Variants in KIAA1217 observed in about 807,000 individuals in gnomAD.
The protein encoded by KIAA1217 is sickle tail protein homolog.
Under a neutral mutation model 163.9 loss-of-function variants are expected in KIAA1217, and 88 were observed. The observed-to-expected ratio is 0.54, with a 90% CI of 0.45 to 0.64. KIAA1217 has a LOEUF of 0.64. Ranked by LOEUF, KIAA1217 falls within the 30% of genes least tolerant of loss-of-function variation. The pLI, the probability that KIAA1217 is intolerant of heterozygous loss-of-function variation, is 0.00. For synonymous variants in KIAA1217, 903 were observed against 923.1 expected, an observed-to-expected ratio of 0.98 and a Z score of 0.39; for missense variants, 2,372 against 2,475.0, an observed-to-expected ratio of 0.96 and a Z score of 0.88.
chr10:24,106,846 G>A (rs2062650194), intron 2 of KIAA1217, among the ~76,000 whole-genome samples: 1 of 151,568 alleles, frequency 6.6e-6, no homozygotes, highest in Non-Finnish European at 1.5e-5. Flanking sequence ...CTTTTTTGTT[G>A]TTGTGTTGTT....
intron 1 of KIAA1217, among the ~76,000 whole-genome samples, chr10:23,913,917 A>G (rs1842539640): frequency 6.6e-6 from 1 of 152,034 alleles, no homozygotes; most frequent in Admixed American, 6.6e-5. Flanking sequence ...GTTCTTATTC[A>G]TTCAGCTCTT....
At chr10:24,182,547 T>C (rs917611886) in intron 2 of KIAA1217, among the ~76,000 whole-genome samples, 4 of 152,278 alleles carry the variant, frequency 2.6e-5, no homozygotes, top group Admixed American at 2.6e-4. Context: ...ATGAAGTGAT[T>C]TGAGTCAATG....
intron 1 of KIAA1217, among the ~76,000 whole-genome samples, chr10:23,698,148 T>C (rs956142683): frequency 6.6e-6 from 1 of 152,250 alleles, no homozygotes; most frequent in Admixed American, 6.5e-5. Flanking sequence ...AGAGCATTGC[T>C]TTGTTTGGGG....
intron 1 of KIAA1217, among the ~76,000 whole-genome samples, chr10:23,709,568 T>A (rs1013537024): frequency 6.6e-6 from 1 of 152,010 alleles, no homozygotes; most frequent in Admixed American, 6.6e-5. Context: ...AGAAACTTCC[T>A]TTCATCCGAA....
chr10:23,824,259 A>C (rs1837763032), intron 1 of KIAA1217, among the ~76,000 whole-genome samples: 1 of 151,946 alleles, frequency 6.6e-6, no homozygotes, highest in Non-Finnish European at 1.5e-5. Context: ...GAGTGACAGG[A>C]GTTAAGACCC....
chr10:24,468,224 C>T (rs144758909), intron 5 of KIAA1217, among the ~76,000 whole-genome samples: 3 of 152,250 alleles, frequency 2.0e-5, no homozygotes, highest in East Asian at 1.9e-4. Context: ...ATCCTAAGAG[C>T]GAGTTGCCTT....
chr10:24,254,406 C>T (rs2074908162), intron 2 of KIAA1217, among the ~76,000 whole-genome samples: 1 of 152,232 alleles, frequency 6.6e-6, no homozygotes. Flanking sequence ...AAGTTTCTGA[C>T]TCACAGTGAC....
At chr10:24,366,718 G>A (rs1465704590) in intron 2 of KIAA1217, among the ~76,000 whole-genome samples, 1 of 152,144 alleles carries the variant, frequency 6.6e-6, no homozygotes, top group African/African-American at 2.4e-5. Context: ...TGAGCCCGGG[G>A]CCAGTGACAA....
intron 1 of KIAA1217, among the ~76,000 whole-genome samples, chr10:23,979,255 G>A (rs960166261): frequency 2.8e-4 from 42 of 152,292 alleles, no homozygotes; most frequent in African/African-American, 8.9e-4. Context: ...TAAAAGTCAC[G>A]TTGCAGGTGC....
intron 1 of KIAA1217, among the ~76,000 whole-genome samples, chr10:24,218,427 G>A (rs905300824): frequency 1.3e-5 from 2 of 151,944 alleles, no homozygotes; most frequent in Non-Finnish European, 2.9e-5. Context: ...CTGTGTTTTA[G>A]GTAAAGTCCA....
intron 2 of KIAA1217, among the ~76,000 whole-genome samples, chr10:24,244,524 C>G (rs1033215845): frequency 7.3e-5 from 11 of 150,166 alleles, no homozygotes; most frequent in Admixed American, 1.3e-4. Flanking sequence ...TGTTTTCATC[C>G]TTGGGCATTA....
chr10:24,297,475 G>T (rs564195132), intron 2 of KIAA1217, among the ~76,000 whole-genome samples: 6 of 152,160 alleles, frequency 3.9e-5, no homozygotes, highest in Admixed American at 6.5e-5. Flanking sequence ...TTTAGACTGG[G>T]TGCAGTGTCT....
intron 17 of KIAA1217, among the ~76,000 whole-genome samples, chr10:24,539,314 C>G (rs1204579205): frequency 6.7e-6 from 1 of 150,176 alleles, no homozygotes; most frequent in Non-Finnish European, 1.5e-5. Flanking sequence ...CTGCAACCTC[C>G]CCCTCCCCGG....
rs550355378 is a variant in KIAA1217, at chr10:24,513,354, C to T, written c.2097C>T (p.Pro699=). The T allele has an allele frequency of 1.7e-5, 28 of 1,614,132 alleles. No homozygotes were observed. Among genetic ancestry groups the T allele is most frequent in the East Asian group, 4.5e-5 (2 of 44,876 alleles). Residue 699 remains proline, a synonymous_variant, in exon 10 of 21, where the codon CCC becomes CCT. Transcript: ENST00000376454. ...VMETMKRLED[P]VQRQRVLVEQ... ...AAACAATGAAGAGACTGGAGGATCC[C>T]GTGCAGCGACAGCGCGTCCTAGTGG...
chr10:24,066,810 A>G (rs986697249), intron 2 of KIAA1217, among the ~76,000 whole-genome samples: 3 of 152,154 alleles, frequency 2.0e-5, no homozygotes, highest in African/African-American at 7.2e-5. Flanking sequence ...CTTTCCACAT[A>G]GTCCCATATT....
intron 2 of KIAA1217, chr10:24,158,557 A>T: frequency 3.9e-6 from 2 of 510,626 alleles, no homozygotes; most frequent in Non-Finnish European, 8.0e-6. Flanking sequence ...AAAATCCTGT[A>T]TTGACTAAAC....
chr10:23,741,857 G>A (rs1289427257), intron 1 of KIAA1217, among the ~76,000 whole-genome samples: 1 of 152,216 alleles, frequency 6.6e-6, no homozygotes, highest in African/African-American at 2.4e-5. Context: ...CTAAGAGGTG[G>A]CCTTGAAATG....
At chr10:24,327,247 G>A (rs1019850969) in intron 2 of KIAA1217, among the ~76,000 whole-genome samples, 1 of 152,112 alleles carries the variant, frequency 6.6e-6, no homozygotes, top group Admixed American at 6.5e-5. Context: ...AAATACAGAC[G>A]TTTCAGAAAT....
intron 2 of KIAA1217, among the ~76,000 whole-genome samples, chr10:24,155,003 A>C (rs2131868994): frequency 6.6e-6 from 1 of 151,996 alleles, no homozygotes; most frequent in East Asian, 1.9e-4. Context: ...GTTAGCGTTT[A>C]ATGCATACAG....
Sources: gnomAD v4.1 joint callset for allele counts (sites outside exome capture counted in the v4.1 genomes callset) on GRCh38, gnomAD v4.1.1 for gene constraint, MANE v1.5 for transcripts, NCBI Gene and HGNC (gene_info 2026-07-23, HGNC 2026-07-21) for gene names.